Variants in CNBD1 observed in about 807,000 individuals in gnomAD.
CNBD1 encodes the protein cyclic nucleotide binding domain containing 1, also known as cyclic nucleotide-binding domain-containing protein 1.
A neutral mutation model predicts 54.4 loss-of-function variants in CNBD1; 71 were observed. The observed-to-expected ratio is 1.30, with a 90% CI of 1.08 to 1.59. The LOEUF is 1.59. CNBD1 is among the 40% of genes most tolerant of loss of function. The pLI is 0.00. For missense variants in CNBD1, 659 were observed against 518.0 expected (o/e 1.27, Z -2.64); for synonymous variants, 182 against 170.7 (o/e 1.07, Z -0.51).
intron 4 of CNBD1, among the ~76,000 whole-genome samples, chr8:86,953,213 T>A (rs999627663): frequency 6.6e-6 from 1 of 152,324 alleles, no homozygotes. Flanking sequence ...TGTGCCTTCA[T>A]CTCTCTTGAG....
chr8:87,299,761 G>A (rs1808947992), intron 8 of CNBD1, among the ~76,000 whole-genome samples: 1 of 152,168 alleles, frequency 6.6e-6, no homozygotes, highest in South Asian at 2.1e-4. Context: ...CTTTCTCATG[G>A]CAGATGTGGC....
chr8:87,065,855 C>T (rs1328585560), intron 4 of CNBD1, among the ~76,000 whole-genome samples: 4 of 151,968 alleles, frequency 2.6e-5, no homozygotes, highest in African/African-American at 9.7e-5. Flanking sequence ...AAACCCAGTT[C>T]ACTGTAGCTC....
chr8:86,985,737 A>G (rs953165367), intron 4 of CNBD1, among the ~76,000 whole-genome samples: 2 of 152,152 alleles, frequency 1.3e-5, no homozygotes, highest in Non-Finnish European at 2.9e-5. Context: ...GCTAGATTGA[A>G]TGGTAGCTCT....
intron 8 of CNBD1, among the ~76,000 whole-genome samples, chr8:87,330,482 G>A (rs1160589138): frequency 1.3e-5 from 2 of 151,714 alleles, no homozygotes; most frequent in African/African-American, 4.8e-5. Context: ...TTGATAAGTT[G>A]TTTTCCTTTC....
intron 8 of CNBD1, among the ~76,000 whole-genome samples, chr8:87,305,418 T>C (rs1290471340): frequency 6.6e-6 from 1 of 152,080 alleles, no homozygotes; most frequent in Non-Finnish European, 1.5e-5. Flanking sequence ...CTAAAATTGA[T>C]GTGGAACCAA....
At chr8:87,331,502 G>A (rs1809831459) in intron 8 of CNBD1, among the ~76,000 whole-genome samples, 1 of 152,146 alleles carries the variant, frequency 6.6e-6, no homozygotes. Flanking sequence ...TTGCTATTGT[G>A]AATAGTGCTG....
At chr8:87,223,175 T>A (rs149205668) in intron 5 of CNBD1, among the ~76,000 whole-genome samples, 7,940 of 150,966 alleles carry the variant, frequency 0.053, 666 homozygotes, top group African/African-American at 0.17. Context: ...ATTTAATCTA[T>A]CCTCCCTTTA....
At chr8:87,168,448 G>T (rs556553512) in intron 4 of CNBD1, among the ~76,000 whole-genome samples, 1 of 151,856 alleles carries the variant, frequency 6.6e-6, no homozygotes, top group South Asian at 2.1e-4. Flanking sequence ...TACTCTTTCA[G>T]TTATTTTTAA....
At chr8:87,195,268 A>T (rs1296046033) in intron 4 of CNBD1, among the ~76,000 whole-genome samples, 2 of 144,156 alleles carry the variant, frequency 1.4e-5, no homozygotes, top group Admixed American at 1.5e-4. Flanking sequence ...TCACTCTGTC[A>T]CACAGGCTGG....
intron 2 of CNBD1, among the ~76,000 whole-genome samples, chr8:87,422,255 C>A (rs1268909214): frequency 1.4e-5 from 2 of 145,282 alleles, no homozygotes; most frequent in African/African-American, 5.3e-5. Flanking sequence ...GTTTCTTTTG[C>A]TGTGCAGAAG....
In CNBD1 at chr8:87,256,817, T is replaced by C. The variant is rs890513003; in HGVS notation, c.771+19705T>C. 1.1e-3 allele frequency among the ~76,000 whole-genome samples: 170 copies of C among 151,272 alleles called. 2 individuals carry two copies. Among genetic ancestry groups the C allele is most frequent in the African/African-American group, 3.8e-3 (155 of 41,000 alleles). On this transcript the variant is annotated intron_variant, in intron 6 of 10. Transcript: ENST00000518476. ...ATACAGTTCCAAGAGTATAAAGAGATCTTTGTCAGTTGTGAGATTATGAAT... is the reference window on the plus strand; with the variant it reads ...ATACAGTTCCAAGAGTATAAAGAGACCTTTGTCAGTTGTGAGATTATGAAT...
chr8:87,039,390 T>G (rs1810015937), intron 4 of CNBD1, among the ~76,000 whole-genome samples: 3 of 152,338 alleles, frequency 2.0e-5, no homozygotes, highest in South Asian at 4.1e-4. Context: ...TTTTGATCTT[T>G]TCCTTAGCTA....
In CNBD1 at chr8:87,163,905, T is replaced by C. The variant is rs1291300071; in HGVS notation, c.432-42088T>C. On this transcript the variant is annotated intron_variant, in intron 4 of 10. Coordinates refer to ENST00000518476, the MANE Select transcript of CNBD1 (RefSeq NM_173538.3). The surrounding 1 kb of genome is among the most constrained non-coding windows in gnomAD (Gnocchi z 4.5). ...AGAGAAAAAGTTTTCCACATTTTACTGCTGAGTCTAAAGTTAGAGGTGGTC... is the reference window on the plus strand; with the variant it reads ...AGAGAAAAAGTTTTCCACATTTTACCGCTGAGTCTAAAGTTAGAGGTGGTC... 6.6e-6 allele frequency among the ~76,000 whole-genome samples: 1 copy of C among 151,950 alleles called. No homozygotes were observed. Among genetic ancestry groups the C allele is most frequent in the African/African-American group, 2.4e-5 (1 of 41,434 alleles).
At chr8:86,955,539 A>G (rs1000485827) in intron 4 of CNBD1, among the ~76,000 whole-genome samples, 1 of 152,166 alleles carries the variant, frequency 6.6e-6, no homozygotes, top group Non-Finnish European at 1.5e-5. Flanking sequence ...CTGATGTGAG[A>G]TGGTATCTCA....
intron 4 of CNBD1, among the ~76,000 whole-genome samples, chr8:87,115,047 A>G (rs1300533206): frequency 6.6e-6 from 1 of 152,214 alleles, no homozygotes; most frequent in Non-Finnish European, 1.5e-5. Context: ...TAATGAGGTT[A>G]CTTTTGGAGA....
rs73273653 is a variant in CNBD1, at chr8:87,024,806, G to C, written c.431+85052G>C. On this transcript the variant is annotated intron_variant, in intron 4 of 10. Transcript: ENST00000518476. The stretch of plus-strand genomic sequence containing the variant: ...TTGTAACTTTGCTGATTCTGCATCA[G>C]TTGCCATGGTTTTTGATTGGTGCTT... Among the ~76,000 whole-genome samples the C allele has an allele frequency of 6.6e-5, 10 of 152,206 alleles. No homozygotes were observed. The East Asian group carries it at 1.9e-3, about 29-fold the overall frequency.
intron 3 of CNBD1, among the ~76,000 whole-genome samples, chr8:86,920,239 G>T (rs1020048758): frequency 6.6e-6 from 1 of 152,018 alleles, no homozygotes; most frequent in African/African-American, 2.4e-5. Context: ...AATTTTTTTG[G>T]TATATTTTAA....
intron 4 of CNBD1, among the ~76,000 whole-genome samples, chr8:87,012,069 G>A (rs1179245635): frequency 2.0e-5 from 3 of 152,116 alleles, no homozygotes; most frequent in Non-Finnish European, 4.4e-5. Flanking sequence ...TCTGTTGTAG[G>A]ACAAGTTCAT....
chr8:87,353,034 C>T (rs114515354), intron 9 of CNBD1, among the ~76,000 whole-genome samples: 2,251 of 152,282 alleles, frequency 0.015, 54 homozygotes, highest in African/African-American at 0.048. Flanking sequence ...TTTGAGGTCT[C>T]AAAATTTTCT....
Sources: gnomAD v4.1 joint callset for allele counts (sites outside exome capture counted in the v4.1 genomes callset) on GRCh38, gnomAD v4.1.1 for gene constraint, Gnocchi (gnomAD v3.1) non-coding constraint, MANE v1.5 for transcripts, NCBI Gene and HGNC (gene_info 2026-07-23, HGNC 2026-07-21) for gene names.